Variants in ZNG1A observed in about 807,000 individuals in gnomAD.
The protein encoded by ZNG1A is Zn regulated GTPase metalloprotein activator 1A.
At chr9:128,146 G>A in the ZNG1A span, among the ~76,000 whole-genome samples, 4 of 151,650 alleles carry the variant, frequency 2.6e-5, no homozygotes, top group African/African-American at 9.7e-5. Flanking sequence ...ATAACCTGAC[G>A]ACAATGTGCC....
the ZNG1A span, among the ~76,000 whole-genome samples, chr9:178,414 A>G: frequency 6.8e-6 from 1 of 147,490 alleles, no homozygotes; most frequent in Non-Finnish European, 1.5e-5. Flanking sequence ...TACAGACGGG[A>G]CATCCTTTAA....
chr9:156,598 T>C, the ZNG1A span: 2 of 1,453,934 alleles, frequency 1.4e-6, no homozygotes, highest in Non-Finnish European at 1.9e-6. Flanking sequence ...CAAAGGATTT[T>C]ACTTTAGAGA....
At chr9:147,180 G>GAAAGA in the ZNG1A span, 1 of 99,262 alleles carries the variant, frequency 1.0e-5, no homozygotes, top group African/African-American at 4.8e-5. Context: ...CGCCTCAAAA[G>GAAAGA]AAAAAAAAAA....
chr9:156,154 C>CATACATATATATAT, the ZNG1A span, among the ~76,000 whole-genome samples: 3 of 134,136 alleles, frequency 2.2e-5, no homozygotes, highest in African/African-American at 8.3e-5. Flanking sequence ...TATTATTATA[C>CATACATATATATAT]ATATATATAT....
At chr9:161,927 G>C in the ZNG1A span, among the ~76,000 whole-genome samples, 1 of 151,120 alleles carries the variant, frequency 6.6e-6, no homozygotes, top group African/African-American at 2.4e-5. Flanking sequence ...TTAAGTTCCA[G>C]GGTACATGCT....
the ZNG1A span, chr9:175,745 T>C: frequency 6.4e-7 from 1 of 1,561,686 alleles, no homozygotes; most frequent in Admixed American, 1.8e-5. Flanking sequence ...ACTATGTTGC[T>C]CTGTCAAAAT....
At chr9:169,177 T>A in the ZNG1A span, among the ~76,000 whole-genome samples, 5 of 152,232 alleles carry the variant, frequency 3.3e-5, no homozygotes, top group East Asian at 1.9e-4. Flanking sequence ...GAGATCAAAG[T>A]ATCAACATGA....
the ZNG1A span, chr9:178,958 A>AC: frequency 9.1e-7 from 1 of 1,103,196 alleles, no homozygotes; most frequent in Non-Finnish European, 1.3e-6. Flanking sequence ...CAGATCCAAC[A>AC]GCCGGTAACA....
the ZNG1A span, chr9:163,981 C>T: frequency 1.1e-5 from 17 of 1,596,170 alleles, 1 homozygote; most frequent in South Asian, 1.8e-4. Context: ...AACTTACCAT[C>T]AAGATAAATA....
the ZNG1A span, among the ~76,000 whole-genome samples, chr9:140,333 C>G: frequency 5.3e-5 from 8 of 151,520 alleles, no homozygotes; most frequent in South Asian, 2.1e-4. Context: ...GGCAGACTGC[C>G]TCCTCAAGTG....
chr9:158,865 T>C, the ZNG1A span, among the ~76,000 whole-genome samples: 1 of 152,142 alleles, frequency 6.6e-6, no homozygotes, highest in South Asian at 2.1e-4. Context: ...CATATTAACA[T>C]TTATTTTCTT....
chr9:132,325 G>A, the ZNG1A span, among the ~76,000 whole-genome samples: 48 of 145,770 alleles, frequency 3.3e-4, no homozygotes, highest in South Asian at 0.01. Context: ...GACCAGCTTG[G>A]CCAACATGGT....
At chr9:177,349 C>G in the ZNG1A span, among the ~76,000 whole-genome samples, 3 of 151,674 alleles carry the variant, frequency 2.0e-5, no homozygotes, top group South Asian at 6.2e-4. Context: ...GGCAGCAAGA[C>G]TCCAGATTAG....
At chr9:139,541 G>C in the ZNG1A span, among the ~76,000 whole-genome samples, 126 of 152,170 alleles carry the variant, frequency 8.3e-4, 2 homozygotes, top group African/African-American at 2.9e-3. Flanking sequence ...ATAAAAAAAA[G>C]AAAAAGATAC....
chr9:168,628 G>A, the ZNG1A span, among the ~76,000 whole-genome samples: 7 of 148,736 alleles, frequency 4.7e-5, no homozygotes, highest in Non-Finnish European at 1.0e-4. Flanking sequence ...TAGCTATAGA[G>A]AAGTCAATGC....
the ZNG1A span, chr9:162,610 C>G: frequency 5.0e-6 from 3 of 601,714 alleles, no homozygotes; most frequent in Non-Finnish European, 8.6e-6. Flanking sequence ...CTGTTTTTTT[C>G]TCTTGCCAGT....
At chr9:137,532 G>C in the ZNG1A span, among the ~76,000 whole-genome samples, 1 of 152,162 alleles carries the variant, frequency 6.6e-6, no homozygotes, top group East Asian at 1.9e-4. Flanking sequence ...AGGGATCATG[G>C]CTAACTAGTG....
chr9:140,256 T>G, the ZNG1A span, among the ~76,000 whole-genome samples: 1 of 151,904 alleles, frequency 6.6e-6, no homozygotes, highest in South Asian at 2.1e-4. Flanking sequence ...CAGACTTAAG[T>G]GTCCCTGTCT....
the ZNG1A span, chr9:156,641 G>T: frequency 9.9e-6 from 12 of 1,214,516 alleles, no homozygotes; most frequent in Non-Finnish European, 1.4e-5. Flanking sequence ...ACTTCAACAT[G>T]TTCTCTTACT....
Sources: allele counts gnomAD v4.1 joint callset (sites outside exome capture counted in the v4.1 genomes callset), GRCh38; gene constraint gnomAD v4.1.1; transcripts MANE v1.5; gene names NCBI Gene and HGNC (gene_info 2026-07-23, HGNC 2026-07-21).